CALCR: variants seen among roughly 807,000 people sequenced by gnomAD.
The protein encoded by CALCR is calcitonin receptor.
In CALCR, 47 loss-of-function variants were observed where a neutral mutation model predicts 59.5. The ratio of observed to expected loss-of-function variants is 0.79; its 90% CI spans 0.63 to 1.01. The LOEUF (loss-of-function observed/expected upper bound fraction) is 1.01. Among genes scored for constraint, CALCR ranks in the 50% least tolerant of loss-of-function variants. The pLI is 0.00. For synonymous variants in CALCR, 213 were observed against 211.3 expected, an observed-to-expected ratio of 1.01 and a Z score of -0.07; for missense variants, 566 against 597.1, an observed-to-expected ratio of 0.95 and a Z score of 0.54.
rs71537257 is a variant in CALCR, at chr7:93,460,554, TAAAAA to T, written c.648+262_648+266del. On this transcript the variant is annotated intron_variant, in intron 8 of 13. Transcript: ENST00000426151. ...CTGGGCAACAGAGTGAGACTCTATCTAAAAAAAAAAAAAAAAAAATATATATATAT... is the reference window on the plus strand; with the variant it reads ...CTGGGCAACAGAGTGAGACTCTATCTAAAAAAAAAAAAAATATATATATAT... 1.1e-3 allele frequency among the ~76,000 whole-genome samples: 90 copies of T among 79,270 alleles called. 1 individual carries two copies. The highest frequency in any genetic ancestry group is 4.4e-3 in the African/African-American group (55 of 12,478). The allele number at this position is 79,270 out of a possible 152,430, so 52.0% of individuals were successfully genotyped here. A position where few individuals can be genotyped will look rare whatever the true frequency, so the allele number is the denominator to read the frequency against.
At chr7:93,571,904 T>C (rs1790013560) in intron 2 of CALCR, among the ~76,000 whole-genome samples, 2 of 152,184 alleles carry the variant, frequency 1.3e-5, no homozygotes, top group African/African-American at 4.8e-5. Flanking sequence ...AGGGGAATGA[T>C]GCTATTTTCC....
At chr7:93,569,516 T>C (rs529582514) in intron 2 of CALCR, among the ~76,000 whole-genome samples, 1 of 152,282 alleles carries the variant, frequency 6.6e-6, no homozygotes, top group Non-Finnish European at 1.5e-5. Flanking sequence ...CCCTTTAGGG[T>C]AACCTCCCTA....
At chr7:93,477,798 C>A in intron 4 of CALCR, 130 bp from the exon 5 acceptor site, 1 of 593,314 alleles carries the variant, frequency 1.7e-6, no homozygotes, top group Non-Finnish European at 3.0e-6. Context: ...TTCAAACAAG[C>A]CAAGTCATTT....
rs998137068 is a variant in CALCR at position 93,424,555 on chromosome 7, A to C, written c.*1801T>G. Reference sequence around the variant, plus strand: ...ATATACATCTTTTTGCTTTTAACGTACTCTGTATTAATTTATACATATACA... The same window carrying C: ...ATATACATCTTTTTGCTTTTAACGTCCTCTGTATTAATTTATACATATACA... On this transcript the variant is annotated 3_prime_UTR_variant, in exon 14 of 14. Transcript: ENST00000426151. 4 of 152,572 alleles carry C rather than the reference A, an allele frequency of 2.6e-5. No homozygotes were observed. Among genetic ancestry groups the C allele is most frequent in the Non-Finnish European group, 5.9e-5 (4 of 67,992 alleles). The allele number at this position is 152,572 out of a possible 1,614,324, so 9.5% of individuals were successfully genotyped here. A position where few individuals can be genotyped will look rare whatever the true frequency, so the allele number is the denominator to read the frequency against.
intron 8 of CALCR, among the ~76,000 whole-genome samples, chr7:93,452,298 C>G (rs1800126275): frequency 6.6e-6 from 1 of 151,992 alleles, no homozygotes; most frequent in South Asian, 2.1e-4. Flanking sequence ...AGTAAACTCA[C>G]AACCCAATGA....
At chr7:93,517,851 TAAC>T (rs1801681053) in intron 2 of CALCR, among the ~76,000 whole-genome samples, 1 of 151,786 alleles carries the variant, frequency 6.6e-6, no homozygotes, top group East Asian at 1.9e-4. Context: ...TAGTTCAATA[TAAC>T]TAAACAGAAA....
chr7:93,549,009 C>T (rs940727435), intron 2 of CALCR, among the ~76,000 whole-genome samples: 12 of 151,852 alleles, frequency 7.9e-5, no homozygotes, highest in African/African-American at 2.2e-4. Context: ...AGAGGTATTA[C>T]GTTGGATTTA....
chr7:93,474,096 A>G (rs1206377349), intron 5 of CALCR, among the ~76,000 whole-genome samples: 1 of 151,764 alleles, frequency 6.6e-6, no homozygotes, highest in Non-Finnish European at 1.5e-5. Flanking sequence ...CAAGTGCTCC[A>G]TCTTAAAAAT....
intron 2 of CALCR, among the ~76,000 whole-genome samples, chr7:93,540,760 ATAT>A (rs1353444778): frequency 1.7e-4 from 11 of 64,626 alleles, no homozygotes; most frequent in East Asian, 4.2e-4. Context: ...ATATTATATA[ATAT>A]TATATTTATA....
intron 2 of CALCR, among the ~76,000 whole-genome samples, chr7:93,558,830 C>T (rs929630430): frequency 1.3e-5 from 2 of 152,028 alleles, no homozygotes; most frequent in African/African-American, 4.8e-5. Context: ...GGAATGCGAG[C>T]TTGATAGCTT....
At chr7:93,497,048 C>A (rs985834455) in intron 2 of CALCR, among the ~76,000 whole-genome samples, 12 of 151,516 alleles carry the variant, frequency 7.9e-5, no homozygotes, top group Non-Finnish European at 1.3e-4. Flanking sequence ...CTACTCTCCT[C>A]ATGAGTTTAA....
intron 2 of CALCR, among the ~76,000 whole-genome samples, chr7:93,494,918 T>A (rs1801166152): frequency 6.6e-6 from 1 of 151,396 alleles, no homozygotes; most frequent in African/African-American, 2.4e-5. Context: ...CGGGATGAAC[T>A]GACAGAGGCC....
chr7:93,434,288 AG>A lies in CALCR; in HGVS notation c.1155del (p.Phe386LeufsTer17). ...CAGAAGCAGTAGATGGTCGCAACAA[AG>A]AAGCCCTAAAAAGGGAAGGAAAAAT... ...VMHSLIHFQG[F>X]FVATIYCFCN... On this transcript the variant is annotated frameshift_variant, in exon 13 of 14. Transcript: ENST00000426151. LOFTEE classifies it high-confidence loss of function. The A allele has an allele frequency of 6.2e-7, 1 of 1,609,956 alleles. No individual in the cohort carries two copies. The highest frequency in any genetic ancestry group is 8.5e-7 in the Non-Finnish European group (1 of 1,176,298).
At chr7:93,463,864 A>G (rs1800389214) in intron 7 of CALCR, among the ~76,000 whole-genome samples, 1 of 151,966 alleles carries the variant, frequency 6.6e-6, no homozygotes, top group Admixed American at 6.6e-5. Flanking sequence ...CCCTTTATGA[A>G]AAAAACAGAC....
chr7:93,547,208 G>T (rs192274128), intron 2 of CALCR, among the ~76,000 whole-genome samples: 27 of 152,252 alleles, frequency 1.8e-4, no homozygotes, highest in Middle Eastern at 3.4e-3. Flanking sequence ...TTAGCTGGTA[G>T]TTAGGGTCAC....
chr7:93,462,102 G>C (rs1221244438), intron 7 of CALCR: 2 of 1,496,054 alleles, frequency 1.3e-6, no homozygotes, highest in Admixed American at 2.0e-5. Context: ...AAAAATAGTT[G>C]TCAATTTTCT....
intron 2 of CALCR, among the ~76,000 whole-genome samples, chr7:93,515,510 G>A (rs1174250924): frequency 6.6e-6 from 1 of 151,972 alleles, no homozygotes; most frequent in Non-Finnish European, 1.5e-5. Flanking sequence ...TATTACTTTA[G>A]CTGTTATTAT....
At chr7:93,512,218 G>T (rs1801561102) in intron 2 of CALCR, among the ~76,000 whole-genome samples, 1 of 152,120 alleles carries the variant, frequency 6.6e-6, no homozygotes, top group African/African-American at 2.4e-5. Flanking sequence ...ACCTCAAAAC[G>T]TTTGGAGACC....
chr7:93,570,478 T>C (rs965642931), intron 2 of CALCR, among the ~76,000 whole-genome samples: 78 of 152,286 alleles, frequency 5.1e-4, no homozygotes, highest in Non-Finnish European at 2.9e-5. Context: ...ACTGAAATAG[T>C]TAAACATAAA....
Sources: allele counts gnomAD v4.1 joint callset (sites outside exome capture counted in the v4.1 genomes callset), GRCh38; gene constraint gnomAD v4.1.1; transcripts MANE v1.5; gene names NCBI Gene and HGNC (gene_info 2026-07-23, HGNC 2026-07-21).